Variants in SLC2A11 observed in about 807,000 individuals in gnomAD.
The protein encoded by SLC2A11 is solute carrier family 2, facilitated glucose transporter member 11.
In SLC2A11, 43 loss-of-function variants were observed where a neutral mutation model predicts 52.1. The observed-to-expected ratio is 0.82, with a 90% CI of 0.65 to 1.06. The LOEUF is 1.06. SLC2A11 is among the 50% of genes least tolerant of loss of function. The pLI is 0.00. For synonymous variants in SLC2A11, 261 were observed against 277.6 expected (o/e 0.94, Z 0.59); for missense variants, 582 against 654.2 (o/e 0.89, Z 1.20).
In SLC2A11 at chr22:23,868,515, C is replaced by T. The variant is rs552556194; in HGVS notation, c.164C>T (p.Ala55Val). The change falls in exon 3 of 12, where the codon GCG becomes GTG. Residue 55 changes from alanine to valine, a missense_variant. Ala to Val is a moderately conservative substitution (Grantham distance 64). Coordinates refer to ENST00000316185, the MANE Select transcript of SLC2A11 (RefSeq NM_001024939.4). ...GAATTCACCAATGAGACATGGCAGG[C>T]GCGTACTGGAGAGCCACTGCCCGAT... ...IQEFTNETWQ[A>V]RTGEPLPDHL... 2.7e-5 allele frequency: 43 copies of T among 1,614,080 alleles called. No homozygotes were observed. The highest frequency in any genetic ancestry group is 3.1e-5 in the Non-Finnish European group (36 of 1,180,042).
At chr22:23,857,039 A>G, upstream of SLC2A11, 1 of 1,255,252 alleles carries the variant, frequency 8.0e-7, no homozygotes, top group Non-Finnish European at 1.1e-6. Context: ...CTCTGGGGAA[A>G]GGTCGGGGAT....
chr22:23,870,226 A>C, intron 3 of SLC2A11: 1 of 580,348 alleles, frequency 1.7e-6, no homozygotes, highest in Non-Finnish European at 3.1e-6. Context: ...CGGCTATCTC[A>C]TGATACCTGG....
chr22:23,876,810 G>A (rs775072379), intron 4 of SLC2A11, among the ~76,000 whole-genome samples: 6 of 152,140 alleles, frequency 3.9e-5, no homozygotes, highest in Admixed American at 1.3e-4. Context: ...GGATGGGAGC[G>A]GATCTGAGAA....
chr22:23,870,130 A>G lies in SLC2A11; in HGVS notation c.290+1489A>G, dbSNP rs1049143436. ...AAGACTGGATTAGACCACTGGGCTCATATCTGCACCGTGGGGAGTAGGGGA... is the reference window on the plus strand; with the variant it reads ...AAGACTGGATTAGACCACTGGGCTCGTATCTGCACCGTGGGGAGTAGGGGA... On this transcript the variant is annotated intron_variant, in intron 3 of 11. Coordinates refer to ENST00000316185, the MANE Select transcript of SLC2A11 (RefSeq NM_001024939.4). The G allele has an allele frequency of 3.5e-5, 24 of 693,800 alleles. No individual in the cohort carries two copies. In the Admixed American group the frequency reaches 4.7e-4, roughly 14 times the overall value. 43.0% of individuals were successfully genotyped at this position (693,800 alleles called of 1,614,324 possible). A position where few individuals can be genotyped will look rare whatever the true frequency, so the allele number is the denominator to read the frequency against.
chr22:23,884,402 G>C lies in SLC2A11; in HGVS notation c.1272G>C (p.Leu424=). ...CGCTCATGTGGATCATGCTCATCCT[G>C]GTCGGCCTGGGATTTCCCTTTATCA... The part of the protein sequence containing the change: ...CGALMWIMLI[L]VGLGFPFIME... The change falls in exon 11 of 12, where the codon CTG becomes CTC. Residue 424 remains leucine (L), a synonymous_variant. Transcript: ENST00000316185. This position sits in a 1 kb window ranked among gnomAD's most constrained non-coding sequence, Gnocchi z 4.3. The C allele has an allele frequency of 6.2e-7, 1 of 1,613,930 alleles. No individual in the cohort carries two copies. The highest frequency in any genetic ancestry group is 8.5e-7 in the Non-Finnish European group (1 of 1,179,948).
chr22:23,857,694 T>C (rs1161819888), upstream of SLC2A11, among the ~76,000 whole-genome samples: 1 of 149,686 alleles, frequency 6.7e-6, no homozygotes, highest in African/African-American at 2.5e-5. Context: ...TCCGCGACAC[T>C]CTAGCGGCTC....
chr22:23,859,992 C>G (rs575349877), intron 1 of SLC2A11, among the ~76,000 whole-genome samples: 9 of 152,280 alleles, frequency 5.9e-5, no homozygotes, highest in Non-Finnish European at 1.2e-4. Flanking sequence ...TTTGTAAAGT[C>G]AACTACTTTG....
upstream of SLC2A11, chr22:23,857,488 G>A (rs556318181): frequency 7.4e-6 from 12 of 1,613,920 alleles, no homozygotes; most frequent in South Asian, 1.2e-4. Flanking sequence ...CGGCAGAGGC[G>A]GATGGAGGAT....
At chr22:23,857,309 C>A, upstream of SLC2A11, 1 of 1,016,856 alleles carries the variant, frequency 9.8e-7, no homozygotes, top group Non-Finnish European at 1.5e-6. Flanking sequence ...GCCGGAATTT[C>A]GGGGGAGGAC....
Position 23,862,221 on chromosome 22 carries a change from T to G in SLC2A11, c.129+19T>G. Reference sequence around the variant, plus strand: ...GACCTTGGTATGTATCCTCTCTGGGTGGAGACTGTCCCTGTCTGAGTGGGT... The same window carrying G: ...GACCTTGGTATGTATCCTCTCTGGGGGGAGACTGTCCCTGTCTGAGTGGGT... On this transcript the variant is annotated intron_variant, in intron 2 of 11. Coordinates refer to ENST00000316185, the MANE Select transcript of SLC2A11 (RefSeq NM_001024939.4). 1 of 1,610,330 alleles carries G rather than the reference T, an allele frequency of 6.2e-7. No homozygotes were observed. The highest frequency in any genetic ancestry group is 1.1e-5 in the South Asian group (1 of 91,024).
In SLC2A11 at chr22:23,859,558, G is replaced by A. The variant is rs138789573; in HGVS notation, c.30+1529G>A. Among the ~76,000 whole-genome samples the A allele has an allele frequency of 1.6e-3, 244 of 152,232 alleles. 5 individuals carry two copies. In the East Asian group the frequency reaches 0.041, roughly 26 times the overall value. ...GCAGGAGGGCAGTGGCGCGATCTGG[G>A]CTTACTGCAACCTCCGCCTCCCTCC... On this transcript the variant is annotated intron_variant, in intron 1 of 11. Coordinates refer to ENST00000316185, the MANE Select transcript of SLC2A11 (RefSeq NM_001024939.4).
chr22:23,882,329 CACAG>C lies in SLC2A11; in HGVS notation c.695-123_695-120del, dbSNP rs1463448057. On this transcript the variant is annotated intron_variant, in intron 6 of 11. Coordinates refer to ENST00000316185, the MANE Select transcript of SLC2A11 (RefSeq NM_001024939.4). ...AGGCAGAGAGAGAGACACACACACA[CACAG>C]ACAGACTCAGAGACAGAGAGTGAGC... 56 of 792,410 alleles carry C rather than the reference CACAG, an allele frequency of 7.1e-5. 1 individual carries two copies. The African/African-American group carries it at 8.5e-4, about 12-fold the overall frequency. 49.1% of individuals were successfully genotyped at this position (792,410 alleles called of 1,614,324 possible).
At chr22:23,878,412 A>G (rs2032696046) in intron 6 of SLC2A11, among the ~76,000 whole-genome samples, 1 of 152,044 alleles carries the variant, frequency 6.6e-6, no homozygotes, top group South Asian at 2.1e-4. Flanking sequence ...GCTGGTCTGG[A>G]CTGGAGCCAT....
intron 3 of SLC2A11, chr22:23,871,953 A>G (rs1292423245): frequency 6.6e-6 from 1 of 151,936 alleles, no homozygotes; most frequent in East Asian, 1.9e-4. Context: ...GCACCCAGTT[A>G]TGATGAGTAC....
intron 3 of SLC2A11, chr22:23,869,984 C>T (rs1474393041): frequency 4.2e-6 from 3 of 717,458 alleles, no homozygotes; most frequent in Admixed American, 4.0e-5. Context: ...GTGGAGTTCT[C>T]ATGGCCTAAT....
chr22:23,868,631 A>G lies in SLC2A11; in HGVS notation c.280A>G (p.Thr94Ala). The G allele has an allele frequency of 6.2e-7, 1 of 1,614,008 alleles. No individual in the cohort carries two copies. The highest frequency in any genetic ancestry group is 2.2e-5 in the East Asian group (1 of 44,874). ...ACTGCTTGCAGGTCCCTTGGCCATCACGCTGGGAAGGTAAGTGCTTCCTGC... is the reference window on the plus strand; with the variant it reads ...ACTGCTTGCAGGTCCCTTGGCCATCGCGCTGGGAAGGTAAGTGCTTCCTGC... ...GALLAGPLAI[T>A]LGRKKSLLVN... Residue 94 changes from threonine (T) to alanine (A), a missense_variant, in exon 3 of 12, where the codon ACG becomes GCG. Coordinates refer to ENST00000316185, the MANE Select transcript of SLC2A11 (RefSeq NM_001024939.4).
rs369656576 is a variant in SLC2A11, at chr22:23,877,676, T to A, written c.546-45T>A. On this transcript the variant is annotated intron_variant, in intron 5 of 11. Coordinates refer to ENST00000316185, the MANE Select transcript of SLC2A11 (RefSeq NM_001024939.4). The stretch of plus-strand genomic sequence containing the variant: ...GGGCAGGAGAGCAGGGTGGTAGGAC[T>A]CTGGCAAAGAGGCATCTGGCCTGGC... 1.8e-5 allele frequency: 27 copies of A among 1,520,764 alleles called. No individual in the cohort carries two copies. In the East Asian group the frequency reaches 5.2e-4, roughly 29 times the overall value. 94.2% of individuals were successfully genotyped at this position (1,520,764 alleles called of 1,614,324 possible).
At chr22:23,880,969 A>G (rs1007543127) in intron 6 of SLC2A11, 5 of 151,996 alleles carry the variant, frequency 3.3e-5, no homozygotes, top group Admixed American at 3.3e-4. Context: ...GCACTATATA[A>G]CATAGCTTTT....
intron 4 of SLC2A11, among the ~76,000 whole-genome samples, chr22:23,875,623 G>A (rs188620861): frequency 2.0e-5 from 3 of 152,254 alleles, no homozygotes; most frequent in Non-Finnish European, 4.4e-5. Context: ...GGTACTCCTC[G>A]ATTTCTGGGG....
Sources: gnomAD v4.1 joint callset for allele counts (sites outside exome capture counted in the v4.1 genomes callset) on GRCh38, gnomAD v4.1.1 for gene constraint, Gnocchi (gnomAD v3.1) non-coding constraint, MANE v1.5 for transcripts, NCBI Gene and HGNC (gene_info 2026-07-23, HGNC 2026-07-21) for gene names.